Variants in PRDM11 observed in about 807,000 individuals in gnomAD.
PRDM11 encodes PR/SET domain 11, also known as PR domain-containing protein 11.
A neutral mutation model predicts 97.8 loss-of-function variants in PRDM11; 20 were observed. That is an observed-to-expected ratio of 0.20 (90% CI 0.14 to 0.30). The LOEUF (loss-of-function observed/expected upper bound fraction) is 0.30. PRDM11 is among the 10% of genes least tolerant of loss of function. The pLI, the probability that PRDM11 is intolerant of heterozygous loss-of-function variation, is 1.00. For missense variants in PRDM11, 1,139 were observed against 1,555.2 expected, an observed-to-expected ratio of 0.73 and a Z score of 4.50; for synonymous variants, 599 against 637.7, an observed-to-expected ratio of 0.94 and a Z score of 0.91.
At position 45,211,978 on chromosome 11, in the gene PRDM11, A is replaced by G. The variant is rs182487134; in HGVS notation, c.554+7200A>G. Among the ~76,000 whole-genome samples, 384 of 152,354 alleles carry G rather than the reference A, an allele frequency of 2.5e-3. 2 individuals carry two copies. Among genetic ancestry groups the G allele is most frequent in the African/African-American group, 9.0e-3 (375 of 41,596 alleles). On this transcript the variant is annotated intron_variant, in intron 5 of 7. Transcript: ENST00000683152. ...AGAAAGTCTGGTGCTCAGAGGGCCAAGAGCGTCTTAGTACCTTTAGGCAGG... is the reference window on the plus strand; with the variant it reads ...AGAAAGTCTGGTGCTCAGAGGGCCAGGAGCGTCTTAGTACCTTTAGGCAGG...
At chr11:45,214,848 T>C (rs1384378655) in intron 5 of PRDM11, 1 of 152,138 alleles carries the variant, frequency 6.6e-6, no homozygotes, top group African/African-American at 2.4e-5. Flanking sequence ...GAAAAGCAGG[T>C]TGGTGAGAAG....
At chr11:45,186,593 C>T (rs1373533447) in intron 4 of PRDM11, among the ~76,000 whole-genome samples, 1 of 152,136 alleles carries the variant, frequency 6.6e-6, no homozygotes, top group Non-Finnish European at 1.5e-5. Context: ...AGGAAGTCTC[C>T]TTGGCCCCCT....
chr11:45,167,305 TAAAC>T (rs1039286798), intron 1 of PRDM11, among the ~76,000 whole-genome samples: 8 of 152,160 alleles, frequency 5.3e-5, no homozygotes, highest in African/African-American at 1.4e-4. Context: ...CGTGCACACA[TAAAC>T]ACACACATAC....
chr11:45,208,911 A>G, intron 5 of PRDM11: 1 of 455,756 alleles, frequency 2.2e-6, no homozygotes, highest in South Asian at 1.6e-5. Flanking sequence ...GAGGAAGCCC[A>G]AGTTCTCCAA....
intron 1 of PRDM11, among the ~76,000 whole-genome samples, chr11:45,174,109 G>T (rs1054555084): frequency 6.6e-6 from 1 of 151,624 alleles, no homozygotes; most frequent in Admixed American, 6.6e-5. Context: ...GGTTTTTTTT[G>T]GTAACTCTAT....
In PRDM11 at chr11:45,224,278, G is replaced by A. The variant is rs750422588; in HGVS notation, c.804G>A (p.Arg268=). The change falls in exon 7 of 8, where the codon AGG becomes AGA. Residue 268 remains arginine (R), a synonymous_variant. Coordinates refer to ENST00000683152, the MANE Select transcript of PRDM11 (RefSeq NM_001384648.1). ...EQVLDNPEDL[R]GPIHLSVLRQ... ...TTCTGGATAACCCAGAAGACCTGAG[G>A]GGTCCCATTCATCTCTCTGTGCTGA... is the stretch of plus-strand genomic sequence containing the variant. 1 of 1,613,888 alleles carries A rather than the reference G, an allele frequency of 6.2e-7. No homozygotes were observed. The highest frequency in any genetic ancestry group is 8.5e-7 in the Non-Finnish European group (1 of 1,179,902).
intron 5 of PRDM11, chr11:45,213,704 G>T: frequency 4.4e-6 from 2 of 456,470 alleles, no homozygotes; most frequent in Non-Finnish European, 8.8e-6. Flanking sequence ...CTCAGTGGGG[G>T]CTCAGGACAG....
At chr11:45,096,951 A>G (rs1851893912) in intron 1 of PRDM11, among the ~76,000 whole-genome samples, 1 of 152,230 alleles carries the variant, frequency 6.6e-6, no homozygotes, top group African/African-American at 2.4e-5. Context: ...GCCATGCACC[A>G]GTCTCCTTGC....
intron 5 of PRDM11, chr11:45,212,552 C>G: frequency 4.4e-6 from 2 of 456,074 alleles, no homozygotes; most frequent in South Asian, 1.6e-5. Flanking sequence ...AGAGGCCCAC[C>G]TGGCCAGGCC....
At chr11:45,184,148 CA>C (rs1055424479) in intron 4 of PRDM11, among the ~76,000 whole-genome samples, 1 of 152,176 alleles carries the variant, frequency 6.6e-6, no homozygotes, top group African/African-American at 2.4e-5. Flanking sequence ...ATGCCTTGGA[CA>C]GCAAGAGCAA....
At position 45,230,774 on chromosome 11, in the gene PRDM11, C is replaced by T. The variant is rs914553342; in HGVS notation, c.*2615C>T. 1.3e-5 allele frequency: 2 copies of T among 152,214 alleles called. No homozygotes were observed. The highest frequency in any genetic ancestry group is 4.8e-5 in the African/African-American group (2 of 41,446). The allele number at this position is 152,214 out of a possible 1,614,324, so 9.4% of individuals were successfully genotyped here. ...CTAAGGCTCCCGCTCATTTGAAAAC[C>T]AGGAAGAGAGAACCAGTGTCTTCCT... On this transcript the variant is annotated 3_prime_UTR_variant, in exon 8 of 8. Coordinates refer to ENST00000683152, the MANE Select transcript of PRDM11 (RefSeq NM_001384648.1).
chr11:45,223,097 C>G (rs1468506304), intron 6 of PRDM11, among the ~76,000 whole-genome samples: 1 of 152,156 alleles, frequency 6.6e-6, no homozygotes, highest in Non-Finnish European at 1.5e-5. Context: ...GGGCAGATGG[C>G]TTGAGCCTAG....
chr11:45,159,557 A>G (rs1238308159), intron 1 of PRDM11, among the ~76,000 whole-genome samples: 2 of 152,194 alleles, frequency 1.3e-5, no homozygotes, highest in Non-Finnish European at 2.9e-5. Context: ...GTGGGACATC[A>G]GGGACTTAGA....
chr11:45,209,397 T>C, intron 5 of PRDM11: 1 of 332,736 alleles, frequency 3.0e-6, no homozygotes, highest in Non-Finnish European at 6.0e-6. Flanking sequence ...CTCCTGTCCC[T>C]CTCTGTCCAG....
intron 5 of PRDM11, chr11:45,212,941 G>A (rs965885665): frequency 2.8e-5 from 11 of 399,554 alleles, no homozygotes; most frequent in Non-Finnish European, 5.1e-5. Context: ...CCACTCCCCA[G>A]GCCACCCAGG....
At chr11:45,104,478 G>A (rs551097901) in intron 1 of PRDM11, among the ~76,000 whole-genome samples, 1 of 152,172 alleles carries the variant, frequency 6.6e-6, no homozygotes, top group Non-Finnish European at 1.5e-5. Context: ...ATAGCTGAGT[G>A]AGACCATGGA....
At position 45,098,895 on chromosome 11, in the gene PRDM11, G is replaced by A. The variant is rs533637599; in HGVS notation, c.96+2994G>A. ...CAAGGGTGGGCTCCTGAGGAGTGTT[G>A]TACTAAGCAAGGGAGTTTGAGCTGG... On this transcript the variant is annotated intron_variant, in intron 1 of 6. Transcript: ENST00000530656. Among the ~76,000 whole-genome samples, 4 of 152,316 alleles carry A rather than the reference G, an allele frequency of 2.6e-5. No homozygotes were observed. In the South Asian group the frequency reaches 8.3e-4, roughly 32 times the overall value.
chr11:45,152,268 A>C (rs1156381645), intron 1 of PRDM11, among the ~76,000 whole-genome samples: 1 of 152,012 alleles, frequency 6.6e-6, no homozygotes, highest in Non-Finnish European at 1.5e-5. Context: ...GGGTCTCACC[A>C]GTTGGCCAGG....
intron 1 of PRDM11, among the ~76,000 whole-genome samples, chr11:45,177,814 A>G (rs573374100): frequency 6.6e-6 from 1 of 152,326 alleles, no homozygotes; most frequent in Non-Finnish European, 1.5e-5. Context: ...GAAGAACTCA[A>G]TCACTAACCC....
Sources: gnomAD v4.1 joint callset for allele counts (sites outside exome capture counted in the v4.1 genomes callset) on GRCh38, gnomAD v4.1.1 for gene constraint, MANE v1.5 for transcripts, NCBI Gene and HGNC (gene_info 2026-07-23, HGNC 2026-07-21) for gene names.